Variants in HELQ observed in about 807,000 individuals in gnomAD.
HELQ encodes the protein helicase, POLQ like.
A neutral mutation model predicts 111.6 loss-of-function variants in HELQ; 77 were observed. That is an observed-to-expected ratio of 0.69 (90% CI 0.57 to 0.83). HELQ has a LOEUF of 0.83. Among genes scored for constraint, HELQ ranks in the 40% least tolerant of loss-of-function variants. The pLI is 0.00. For synonymous variants in HELQ, 438 were observed against 454.7 expected (o/e 0.96, Z 0.47); for missense variants, 1,200 against 1,288.5 (o/e 0.93, Z 1.05).
chr4:83,448,708 GT>G (rs1721185665), intron 3 of HELQ, 74 bp downstream of exon 3: 1 of 1,130,980 alleles, frequency 8.8e-7, no homozygotes, highest in African/African-American at 1.6e-5. Flanking sequence ...ACAATACAAA[GT>G]TATCACATTT....
intron 12 of HELQ, among the ~76,000 whole-genome samples, chr4:83,429,173 T>TTG (rs1226075202): frequency 2.6e-5 from 4 of 152,122 alleles, no homozygotes; most frequent in Non-Finnish European, 5.9e-5. Flanking sequence ...TGAGATGGAG[T>TTG]CTCGGCTCTG....
chr4:83,450,222 T>TAAAAAAAAAAAAAAAAAAAAAAAA (rs71668650), intron 2 of HELQ, among the ~76,000 whole-genome samples: 2 of 45,608 alleles, frequency 4.4e-5, no homozygotes, highest in Admixed American at 4.4e-4. Context: ...CAGTTAAGTT[T>TAAAAAAAAAAAAAAAAAAAAAAAA]AAAAAAAAAA....
At chr4:83,443,664 T>G in intron 5 of HELQ, 50 bp from the exon 6 acceptor site, 1 of 731,988 alleles carries the variant, frequency 1.4e-6, no homozygotes, top group East Asian at 2.7e-5. Flanking sequence ...ATATGTTATT[T>G]AATATATCAT....
intron 6 of HELQ, among the ~76,000 whole-genome samples, chr4:83,442,426 C>G (rs112954706): frequency 0.037 from 5,666 of 151,546 alleles, 438 homozygotes; most frequent in African/African-American, 0.13. Flanking sequence ...TGCTAATATG[C>G]TCTAATTTTT....
At chr4:83,441,548 G>T in intron 6 of HELQ, 145 bp from the exon 7 acceptor site, 1 of 516,070 alleles carries the variant, frequency 1.9e-6, no homozygotes, top group Middle Eastern at 4.9e-4. Context: ...CAACTTAAAA[G>T]TTCTTGCTTT....
intron 8 of HELQ, 30 bp from the exon 9 acceptor site, chr4:83,437,127 C>G (rs1348560050): frequency 6.3e-7 from 1 of 1,597,004 alleles, no homozygotes; most frequent in Non-Finnish European, 8.5e-7. Context: ...GAAATATGAG[C>G]CCTTGATCTT....
At chr4:83,446,738 A>G (rs911729013) in intron 4 of HELQ, 97 bp downstream of exon 4, 1 of 659,738 alleles carries the variant, frequency 1.5e-6, no homozygotes. Flanking sequence ...TTATTTTTAT[A>G]GAGGTACTAA....
At position 83,437,204 on chromosome 4, in the gene HELQ, T is replaced by C. The variant is rs1720505926; in HGVS notation, c.1809-107A>G. On this transcript the variant is annotated intron_variant, in intron 8 of 17. Transcript: ENST00000295488. The stretch of plus-strand genomic sequence containing the variant: ...AATGTAAACATTCTTTAATGTACTA[T>C]TTCCATTGAGTTAAGTACATTAAAT... 3 of 1,058,526 alleles carry C rather than the reference T, an allele frequency of 2.8e-6. No individual in the cohort carries two copies. In the Admixed American group the frequency reaches 7.5e-5, roughly 26 times the overall value. The allele number at this position is 1,058,526 out of a possible 1,614,324, so 65.6% of individuals were successfully genotyped here. A position where few individuals can be genotyped will look rare whatever the true frequency, so the allele number is the denominator to read the frequency against.
intron 12 of HELQ, among the ~76,000 whole-genome samples, chr4:83,429,101 G>A (rs1719999856): frequency 6.6e-6 from 1 of 151,936 alleles, no homozygotes; most frequent in Non-Finnish European, 1.5e-5. Flanking sequence ...TAAGATTAAT[G>A]TAATTAATAT....
chr4:83,450,209 A>G (rs971055483), intron 2 of HELQ, among the ~76,000 whole-genome samples: 3 of 136,690 alleles, frequency 2.2e-5, no homozygotes, highest in African/African-American at 8.6e-5. Context: ...TATGTTCAAT[A>G]TACAGTTAAG....
At chr4:83,450,681 A>C (rs1012682154) in intron 2 of HELQ, among the ~76,000 whole-genome samples, 3 of 149,742 alleles carry the variant, frequency 2.0e-5, no homozygotes, top group Non-Finnish European at 4.4e-5. Context: ...AAAAAAAAAA[A>C]CTAGCCGGGT....
rs1720492879 is a variant in HELQ, at chr4:83,436,979, G to A, written c.1927C>T (p.His643Tyr). ...TCATCACTTGTTAAGCCACTGTGGT[G>A]ATAGGCAACTCCAAATGGGATAGTG... is the stretch of plus-strand genomic sequence containing the variant. ...KRTIPFGVAY[H>Y]HSGLTSDERK... Residue 643 changes from histidine to tyrosine, a missense_variant, in exon 9 of 18, where the codon CAC (histidine) becomes TAC (tyrosine). Physicochemically the swap from His to Tyr is moderately conservative, Grantham distance 83 (BLOSUM62 2). Transcript: ENST00000295488. The A allele has an allele frequency of 6.2e-7, 1 of 1,614,156 alleles. No individual in the cohort carries two copies. Among genetic ancestry groups the A allele is most frequent in the African/African-American group, 1.3e-5 (1 of 75,046 alleles).
At chr4:83,436,683 C>G (rs998713845) in intron 9 of HELQ, among the ~76,000 whole-genome samples, 175 bp downstream of exon 9, 2 of 152,158 alleles carry the variant, frequency 1.3e-5, no homozygotes, top group Non-Finnish European at 2.9e-5. Flanking sequence ...TTACATATTT[C>G]ATTACATATT....
chr4:83,455,399 G>A lies in HELQ; in HGVS notation c.295C>T (p.Gln99Ter). 1 of 1,609,532 alleles carries A rather than the reference G, an allele frequency of 6.2e-7. No homozygotes were observed. Among genetic ancestry groups the A allele is most frequent in the Non-Finnish European group, 8.5e-7 (1 of 1,176,124 alleles). ...TTCAAGTTCCAAGTCCTCCGTACCT[G>A]GTCTCCCACCCCTCTGTCAGTGGGC... ...HMPTDRGVGD[Q>*]PNDSEVDMFG... The change falls in exon 1 of 18, where the codon CAG becomes TAG. Residue 99 changes from glutamine (Q) to a stop codon, truncating the protein, a stop_gained and splice_region_variant. Coordinates refer to ENST00000295488, the MANE Select transcript of HELQ (RefSeq NM_133636.5). LOFTEE classifies it high-confidence loss of function.
intron 17 of HELQ, among the ~76,000 whole-genome samples, chr4:83,415,995 G>A (rs932913871): frequency 2.0e-5 from 3 of 149,986 alleles, no homozygotes; most frequent in African/African-American, 7.4e-5. Context: ...CAGCCAGGCT[G>A]GAGTGCAGTG....
At chr4:83,434,992 A>G (rs1720373877) in intron 9 of HELQ, among the ~76,000 whole-genome samples, 1 of 152,188 alleles carries the variant, frequency 6.6e-6, no homozygotes. Context: ...CATCCACCCA[A>G]GTGCTAAGCC....
At chr4:83,415,947 ATT>A (rs1239903829) in intron 17 of HELQ, among the ~76,000 whole-genome samples, 1,841 of 93,490 alleles carry the variant, frequency 0.02, 50 homozygotes, top group African/African-American at 0.057. Context: ...GAACCCAGCC[ATT>A]TTTTTTTTTT....
chr4:83,454,401 G>A (rs1380259125), intron 1 of HELQ, among the ~76,000 whole-genome samples: 1 of 151,998 alleles, frequency 6.6e-6, no homozygotes, highest in East Asian at 1.9e-4. Context: ...CGATGATACT[G>A]AGATTCTAAT....
chr4:83,428,527 T>C (rs1465723319), intron 12 of HELQ, among the ~76,000 whole-genome samples: 1 of 152,048 alleles, frequency 6.6e-6, no homozygotes, highest in African/African-American at 2.4e-5. Context: ...CGCCACTGCA[T>C]TTTGGCCTCG....
Sources: allele counts gnomAD v4.1 joint callset (sites outside exome capture counted in the v4.1 genomes callset), GRCh38; gene constraint gnomAD v4.1.1; transcripts MANE v1.5; gene names NCBI Gene and HGNC (gene_info 2026-07-23, HGNC 2026-07-21).